The following ARHGAP6 variants were observed in gnomAD, a reference collection of about 807,000 sequenced individuals.
ARHGAP6 encodes the protein rho GTPase-activating protein 6.
In ARHGAP6, 16 loss-of-function variants were observed where a neutral mutation model predicts 55.7. The observed-to-expected ratio is 0.29, with a 90% CI of 0.19 to 0.44. The LOEUF (loss-of-function observed/expected upper bound fraction) is 0.44. Among genes scored for constraint, ARHGAP6 ranks in the 20% least tolerant of loss-of-function variants. The probability of loss-of-function intolerance (pLI) is 1.00; values close to 1 mark genes in which losing one functional copy is unlikely to be tolerated. For missense variants in ARHGAP6, 698 were observed against 808.9 expected (o/e 0.86, Z 1.66); for synonymous variants, 382 against 360.9 (o/e 1.06, Z -0.66).
intron 1 of ARHGAP6, among the ~76,000 whole-genome samples, chrX:11,481,834 G>A (rs1215534365): frequency 3.6e-5 from 4 of 112,477 alleles, no homozygotes; most frequent in Non-Finnish European, 7.5e-5. Context: ...GTAAATGTGA[G>A]AAGGGAGAGG....
chrX:11,466,792 CCA>C (rs1397087462), intron 1 of ARHGAP6, among the ~76,000 whole-genome samples: 3 of 112,048 alleles, frequency 2.7e-5, no homozygotes, highest in Non-Finnish European at 5.6e-5. Flanking sequence ...GCATGAGCCA[CCA>C]CACCCAAACA....
In ARHGAP6 at chrX:11,490,257, A is replaced by G. The variant is rs750337427; in HGVS notation, c.588+173984T>C. Among the ~76,000 whole-genome samples the G allele has an allele frequency of 7.2e-5, 8 of 111,741 alleles. No individual in the cohort carries two copies. The South Asian group carries it at 3.0e-3, about 42-fold the overall frequency. ...AAGAGACTCTCCCTTGCTGACTTTG[A>G]GGAAGTGAGTTGCCATGTTGAGAGG... On this transcript the variant is annotated intron_variant, in intron 1 of 12. Transcript: ENST00000337414.
chrX:11,590,869 G>GAAAAGAAAAGAAAAGAAAA (rs2051813205), intron 1 of ARHGAP6, among the ~76,000 whole-genome samples: 8 of 24,218 alleles, frequency 3.3e-4, no homozygotes, highest in Non-Finnish European at 4.0e-4. Flanking sequence ...AAGAAAAGAA[G>GAAAAGAAAAGAAAAGAAAA]GAAAGAAAGA....
intron 1 of ARHGAP6, among the ~76,000 whole-genome samples, chrX:11,486,970 G>A (rs61664626): frequency 0.071 from 7,902 of 110,864 alleles, 333 homozygotes; most frequent in East Asian, 0.18. Flanking sequence ...GTGGCAATGG[G>A]AGATTGGGTA....
At chrX:11,474,137 C>T (rs552447682) in intron 1 of ARHGAP6, among the ~76,000 whole-genome samples, 40 of 111,256 alleles carry the variant, frequency 3.6e-4, no homozygotes, top group African/African-American at 1.2e-3. Flanking sequence ...TCTGATTACC[C>T]TTTCCCACAA....
chrX:11,254,909 T>C (rs960148386), intron 1 of ARHGAP6, among the ~76,000 whole-genome samples: 2 of 110,976 alleles, frequency 1.8e-5, no homozygotes, highest in African/African-American at 3.3e-5. Flanking sequence ...ATCTCAAGTA[T>C]CTGCTGGGTC....
intron 1 of ARHGAP6, among the ~76,000 whole-genome samples, chrX:11,558,176 G>A (rs182784781): frequency 1.8e-5 from 2 of 111,733 alleles, no homozygotes; most frequent in East Asian, 5.6e-4. Flanking sequence ...ATGTCCTCAA[G>A]GCATTATTTA....
chrX:11,588,078 G>T (rs2051756951), intron 1 of ARHGAP6, among the ~76,000 whole-genome samples: 1 of 112,191 alleles, frequency 8.9e-6, no homozygotes, highest in Non-Finnish European at 1.9e-5. Flanking sequence ...TTATGGAACT[G>T]CCCTTGAGAT....
intron 1 of ARHGAP6, among the ~76,000 whole-genome samples, chrX:11,598,985 G>A (rs1361067789): frequency 9.0e-6 from 1 of 111,098 alleles, no homozygotes; most frequent in Admixed American, 9.6e-5. Context: ...TTGAGCCTGG[G>A]GGGTTAAGGT....
intron 9 of ARHGAP6, among the ~76,000 whole-genome samples, chrX:11,167,945 G>A (rs1164326219): frequency 6.3e-5 from 7 of 111,990 alleles, no homozygotes; most frequent in African/African-American, 1.3e-4. Flanking sequence ...CAGGGACAGT[G>A]CTTCAGAGAC....
intron 1 of ARHGAP6, among the ~76,000 whole-genome samples, chrX:11,308,916 G>A (rs955880980): frequency 3.6e-5 from 4 of 111,756 alleles, no homozygotes; most frequent in African/African-American, 6.5e-5. Flanking sequence ...AAATATACAC[G>A]TCTTGGCAAT....
At chrX:11,521,328 T>A (rs947982568) in intron 1 of ARHGAP6, among the ~76,000 whole-genome samples, 2 of 112,193 alleles carry the variant, frequency 1.8e-5, no homozygotes, top group Non-Finnish European at 3.8e-5. Context: ...CTTGAATTGA[T>A]TTTTTATAAG....
intron 3 of ARHGAP6, among the ~76,000 whole-genome samples, chrX:11,194,182 T>A: frequency 8.9e-6 from 1 of 112,554 alleles, no homozygotes; most frequent in East Asian, 2.7e-4. Flanking sequence ...AAAAGAGCAA[T>A]GCTGGCTATT....
intron 1 of ARHGAP6, among the ~76,000 whole-genome samples, chrX:11,384,001 C>A (rs955808833): frequency 9.1e-6 from 1 of 109,753 alleles, no homozygotes; most frequent in Non-Finnish European, 1.9e-5. Flanking sequence ...AATTTTAATG[C>A]TTGAAAAAAA....
intron 1 of ARHGAP6, among the ~76,000 whole-genome samples, chrX:11,363,151 A>G (rs2049033504): frequency 8.9e-6 from 1 of 112,323 alleles, no homozygotes; most frequent in Non-Finnish European, 1.9e-5. Context: ...TTGAAATCAA[A>G]GTGCTGTGCC....
At chrX:11,382,803 C>T (rs1291867765) in intron 1 of ARHGAP6, among the ~76,000 whole-genome samples, 1 of 111,280 alleles carries the variant, frequency 9.0e-6, no homozygotes, top group African/African-American at 3.3e-5. Context: ...ACCAAGGAAA[C>T]CAAAAAACAA....
At chrX:11,335,712 C>T in intron 1 of ARHGAP6, 1 of 325,516 alleles carries the variant, frequency 3.1e-6, no homozygotes, top group African/African-American at 2.7e-5. Context: ...CGGTAGGCAC[C>T]AACTCCCAGA....
intron 8 of ARHGAP6, among the ~76,000 whole-genome samples, chrX:11,172,487 A>C (rs1403641921): frequency 4.7e-5 from 5 of 107,500 alleles, no homozygotes. Context: ...CTGTAAAGTC[A>C]TATTAGGGTT....
intron 1 of ARHGAP6, among the ~76,000 whole-genome samples, chrX:11,256,046 T>C (rs1343781561): frequency 1.8e-5 from 2 of 110,916 alleles, no homozygotes; most frequent in South Asian, 3.8e-4. Context: ...CAGGGACTCA[T>C]TGCAATAAAT....
Sources: gnomAD v4.1 joint callset for allele counts (sites outside exome capture counted in the v4.1 genomes callset) on GRCh38, gnomAD v4.1.1 for gene constraint, MANE v1.5 for transcripts, NCBI Gene and HGNC (gene_info 2026-07-23, HGNC 2026-07-21) for gene names.